COL11A1: variants seen among roughly 807,000 people sequenced by gnomAD.
COL11A1 encodes the protein collagen alpha-1(XI) chain.
A neutral mutation model predicts 265.2 loss-of-function variants in COL11A1; 74 were observed. The observed-to-expected ratio is 0.28, with a 90% confidence interval of 0.23 to 0.34. The LOEUF (loss-of-function observed/expected upper bound fraction) is 0.34, where lower values mean the gene tolerates loss of function less well. Ranked by LOEUF, COL11A1 falls within the 10% of genes least tolerant of loss-of-function variation. COL11A1 has a pLI of 1.00. For synonymous variants in COL11A1, 816 were observed against 727.6 expected, an observed-to-expected ratio of 1.12 and a Z score of -1.96; for missense variants, 2,165 against 2,263.6, an observed-to-expected ratio of 0.96 and a Z score of 0.88.
chr1:102,885,943 CT>C (rs1170156452), intron 63 of COL11A1, among the ~76,000 whole-genome samples: 9 of 151,902 alleles, frequency 5.9e-5, no homozygotes, highest in East Asian at 1.9e-4. Context: ...TTGTGACATC[CT>C]TTTTTTTATG....
At chr1:102,899,128 A>G (rs1445274667) in intron 54 of COL11A1, 134 bp from the exon 55 acceptor site, 1 of 372,822 alleles carries the variant, frequency 2.7e-6, no homozygotes, top group Non-Finnish European at 4.7e-6. Context: ...TTTGGTTTAA[A>G]ACATAATAAC....
rs1664814779 is a variant in COL11A1 at position 102,998,299 on chromosome 1, C to T, written c.2196+11G>A. The stretch of plus-strand genomic sequence containing the variant: ...TAAAGAAATTTTAATGACCAGGTAG[C>T]TGTTACTTACAGGAGGCCCATCAGC... On this transcript the variant is annotated intron_variant, in intron 25 of 66. Transcript: ENST00000370096. The T allele has an allele frequency of 4.4e-6, 7 of 1,604,110 alleles. No individual in the cohort carries two copies. The Middle Eastern group carries it at 5.5e-4, about 127-fold the overall frequency.
At chr1:102,927,694 A>C (rs78337474) in intron 46 of COL11A1, among the ~76,000 whole-genome samples, 1,575 of 152,186 alleles carry the variant, frequency 0.01, 32 homozygotes, top group African/African-American at 0.036. Flanking sequence ...TCTGTTCTGG[A>C]ACATGTTGTT....
chr1:103,061,243 A>T (rs1447233549), intron 4 of COL11A1, among the ~76,000 whole-genome samples: 2 of 152,158 alleles, frequency 1.3e-5, no homozygotes, highest in Non-Finnish European at 2.9e-5. Flanking sequence ...ACCTAACAAA[A>T]TACATGAAGC....
intron 4 of COL11A1, among the ~76,000 whole-genome samples, chr1:103,063,072 C>CT (rs1287587566): frequency 1.3e-5 from 2 of 151,928 alleles, no homozygotes; most frequent in Non-Finnish European, 2.9e-5. Flanking sequence ...TATCGAACAA[C>CT]TTTAAAAATA....
intron 54 of COL11A1, among the ~76,000 whole-genome samples, chr1:102,911,352 A>T (rs965302577): frequency 6.6e-6 from 1 of 152,148 alleles, no homozygotes; most frequent in Non-Finnish European, 1.5e-5. Flanking sequence ...TGTGAAAAAT[A>T]CCCCTGAAAT....
intron 56 of COL11A1, 32 bp downstream of exon 56, chr1:102,898,633 TC>T: frequency 6.4e-7 from 1 of 1,574,166 alleles, no homozygotes; most frequent in Non-Finnish European, 8.7e-7. Context: ...AATGTTATTT[TC>T]AAAATGGCAT....
intron 41 of COL11A1, among the ~76,000 whole-genome samples, chr1:102,953,778 G>A (rs145033881): frequency 0.022 from 3,376 of 152,056 alleles, 54 homozygotes; most frequent in Middle Eastern, 0.079. Flanking sequence ...TTAAAAGAAG[G>A]GTAGGGCTTT....
chr1:103,057,188 T>A lies in COL11A1; in HGVS notation c.651+17430A>T, dbSNP rs1053194274. Among the ~76,000 whole-genome samples, 87 of 152,204 alleles carry A rather than the reference T, an allele frequency of 5.7e-4. 3 individuals carry two copies. Among genetic ancestry groups the A allele is most frequent in the Non-Finnish European group, 1.5e-4 (10 of 68,024 alleles). ...CTTTATCAACTAACTTTATATAATA[T>A]TCTAAATCCTTTGATGTCATTTAAC... On this transcript the variant is annotated intron_variant, in intron 4 of 66. Coordinates refer to ENST00000370096, the MANE Select transcript of COL11A1 (RefSeq NM_001854.4).
intron 4 of COL11A1, among the ~76,000 whole-genome samples, chr1:103,050,511 T>C (rs1362212591): frequency 2.0e-5 from 3 of 152,314 alleles, no homozygotes; most frequent in Non-Finnish European, 4.4e-5. Context: ...TCTAATTTTT[T>C]TTCAAAGTTT....
intron 1 of COL11A1, among the ~76,000 whole-genome samples, chr1:103,107,058 T>G (rs1674748504): frequency 6.6e-6 from 1 of 152,088 alleles, no homozygotes; most frequent in Non-Finnish European, 1.5e-5. Context: ...CGCCTGCCAG[T>G]CGATTCTAAG....
Position 102,932,160 on chromosome 1 carries a change from G to A in COL11A1, c.3600+2289C>T, listed in dbSNP as rs181464444. On this transcript the variant is annotated intron_variant, in intron 46 of 66. Coordinates refer to ENST00000370096, the MANE Select transcript of COL11A1 (RefSeq NM_001854.4). ...ATGATGTTAGCTGGTTATTTTGCTCGTTAGTTGATGCACTTTCTTCCTAGT... is the reference window on the plus strand; with the variant it reads ...ATGATGTTAGCTGGTTATTTTGCTCATTAGTTGATGCACTTTCTTCCTAGT... Among the ~76,000 whole-genome samples the A allele has an allele frequency of 4.2e-3, 636 of 151,218 alleles. 6 individuals are homozygous for A. The highest frequency in any genetic ancestry group is 0.015 in the African/African-American group (612 of 41,178).
intron 52 of COL11A1, among the ~76,000 whole-genome samples, 175 bp downstream of exon 52, chr1:102,914,177 C>T (rs892404232): frequency 1.6e-4 from 24 of 152,172 alleles, no homozygotes; most frequent in Middle Eastern, 3.2e-3. Context: ...AGTGTTGGTG[C>T]AATAGTCTCC....
intron 65 of COL11A1, among the ~76,000 whole-genome samples, chr1:102,880,386 A>G (rs75977220): frequency 6.6e-6 from 1 of 152,294 alleles, no homozygotes; most frequent in Non-Finnish European, 1.5e-5. Context: ...CCAAATCTGT[A>G]AACATGTTCC....
chr1:103,016,027 T>C lies in COL11A1; in HGVS notation c.1414-285A>G, dbSNP rs191349967. ...CTGTGTAAGATGAAGAGTTCACATA[T>C]ATTTTAAGGGAAAGTAATGTGAGAA... On this transcript the variant is annotated intron_variant, in intron 11 of 66. Transcript: ENST00000370096. Among the ~76,000 whole-genome samples, 16 of 152,198 alleles carry C rather than the reference T, an allele frequency of 1.1e-4. No homozygotes were observed. The East Asian group carries it at 2.3e-3, about 22-fold the overall frequency.
intron 1 of COL11A1, among the ~76,000 whole-genome samples, chr1:103,097,330 C>A (rs1234726479): frequency 6.6e-6 from 1 of 151,924 alleles, no homozygotes; most frequent in Non-Finnish European, 1.5e-5. Context: ...AGACATACTG[C>A]CATTTTTCAA....
In COL11A1 at chr1:103,061,796, A is replaced by G. The variant is rs545262286; in HGVS notation, c.651+12822T>C. On this transcript the variant is annotated intron_variant, in intron 4 of 66. Transcript: ENST00000370096. Reference sequence around the variant, plus strand: ...TCTATCCTAAGAATCTAAACAAAAAAGAGGAAAATAAATCTGAAATAAACA... The same window carrying G: ...TCTATCCTAAGAATCTAAACAAAAAGGAGGAAAATAAATCTGAAATAAACA... 4.6e-5 allele frequency among the ~76,000 whole-genome samples: 7 copies of G among 152,104 alleles called. No homozygotes were observed. In the East Asian group the frequency reaches 1.2e-3, roughly 25 times the overall value.
chr1:102,957,993 T>C (rs17127311), intron 41 of COL11A1, among the ~76,000 whole-genome samples: 2,096 of 152,246 alleles, frequency 0.014, 77 homozygotes, highest in East Asian at 0.13. Context: ...TCCTCAGAAC[T>C]CATCACTTTG....
At chr1:103,031,794 C>T (rs114060971) in intron 4 of COL11A1, among the ~76,000 whole-genome samples, 2,665 of 150,860 alleles carry the variant, frequency 0.018, 86 homozygotes, top group African/African-American at 0.062. Flanking sequence ...GAAATGAAGA[C>T]ACCAGAAAAA....
Sources: gnomAD v4.1 joint callset for allele counts (sites outside exome capture counted in the v4.1 genomes callset) on GRCh38, gnomAD v4.1.1 for gene constraint, MANE v1.5 for transcripts, NCBI Gene and HGNC (gene_info 2026-07-23, HGNC 2026-07-21) for gene names.